Variants in MYT1L observed in about 807,000 individuals in gnomAD.
MYT1L encodes myelin transcription factor 1 like.
MYT1L carries 12 observed loss-of-function variants against 126.7 expected under a neutral mutation model. The observed-to-expected ratio is 0.09, with a 90% CI of 0.06 to 0.15. MYT1L has a LOEUF of 0.15. Ranked by LOEUF, MYT1L falls within the 10% of genes least tolerant of loss-of-function variation. The pLI is 1.00. For synonymous variants in MYT1L, 541 were observed against 604.2 expected (o/e 0.90, Z 1.53); for missense variants, 979 against 1,585.2 (o/e 0.62, Z 6.49).
chr2:2,217,706 C>CAA (rs35934436), intron 2 of MYT1L, among the ~76,000 whole-genome samples: 27 of 91,166 alleles, frequency 3.0e-4, no homozygotes, highest in South Asian at 2.0e-3. Context: ...ACAACAACAA[C>CAA]AAAAAAAAAA....
intron 1 of MYT1L, chr2:2,324,570 T>C (rs752692560): frequency 6.5e-6 from 1 of 152,768 alleles, no homozygotes; most frequent in East Asian, 1.9e-4. Flanking sequence ...AATTAATAAG[T>C]TGACACCACT....
At chr2:2,009,033 C>T (rs776150719) in intron 4 of MYT1L, among the ~76,000 whole-genome samples, 16 of 151,990 alleles carry the variant, frequency 1.1e-4, no homozygotes, top group South Asian at 2.1e-4. Flanking sequence ...TTCTGTTCCA[C>T]GGGTCTATGG....
At chr2:1,836,259 G>A (rs2040858194) in intron 21 of MYT1L, among the ~76,000 whole-genome samples, 1 of 151,628 alleles carries the variant, frequency 6.6e-6, no homozygotes, top group Non-Finnish European at 1.5e-5. Flanking sequence ...TCATCAGCCT[G>A]TACCCCAAGA....
chr2:1,851,211 A>C (rs753649434), intron 19 of MYT1L, among the ~76,000 whole-genome samples: 2 of 152,200 alleles, frequency 1.3e-5, no homozygotes, highest in Non-Finnish European at 2.9e-5. Context: ...TTAATGTTAC[A>C]TTCTGCTTAG....
chr2:1,946,989 G>T (rs376125766), intron 8 of MYT1L, among the ~76,000 whole-genome samples: 1 of 152,140 alleles, frequency 6.6e-6, no homozygotes, highest in African/African-American at 2.4e-5. Context: ...CCTTGGTGTC[G>T]CGGGTCATAA....
Position 1,801,970 on chromosome 2 carries a change from T to C in MYT1L, c.3173-171A>G. ...ACAATCTCTGTGTCTTTCTATTCCC[T>C]ACCACCGCCCCTTCCCCACCTAAGT... On this transcript the variant is annotated intron_variant, in intron 22 of 24. Coordinates refer to ENST00000647738, the MANE Select transcript of MYT1L (RefSeq NM_001303052.2). This position sits in a 1 kb window ranked among gnomAD's most constrained non-coding sequence, Gnocchi z 4.2. 1 of 557,382 alleles carries C rather than the reference T, an allele frequency of 1.8e-6. No homozygotes were observed. Among genetic ancestry groups the C allele is most frequent in the South Asian group, 2.3e-5 (1 of 43,420 alleles). 34.5% of individuals were successfully genotyped at this position (557,382 alleles called of 1,614,324 possible).
At chr2:2,159,061 C>G (rs1401089849) in intron 3 of MYT1L, among the ~76,000 whole-genome samples, 1 of 152,160 alleles carries the variant, frequency 6.6e-6, no homozygotes, top group Non-Finnish European at 1.5e-5. Context: ...AAGTTTCCAC[C>G]TGCCCACATC....
chr2:2,302,344 A>G (rs2095797921), intron 1 of MYT1L, among the ~76,000 whole-genome samples: 1 of 152,214 alleles, frequency 6.6e-6, no homozygotes, highest in African/African-American at 2.4e-5. Flanking sequence ...TTTTTGGACC[A>G]ATCGATTTAA....
intron 2 of MYT1L, among the ~76,000 whole-genome samples, chr2:2,280,531 G>A (rs10519519): frequency 0.13 from 19,262 of 152,126 alleles, 1,572 homozygotes; most frequent in Admixed American, 0.26. Context: ...TCTTCTATCC[G>A]CCCTTGTGCA....
At chr2:2,107,325 T>G (rs998410757) in intron 3 of MYT1L, among the ~76,000 whole-genome samples, 7 of 152,186 alleles carry the variant, frequency 4.6e-5, no homozygotes, top group African/African-American at 1.7e-4. Flanking sequence ...CAGCCGACCT[T>G]TGTGAATAAG....
intron 5 of MYT1L, among the ~76,000 whole-genome samples, chr2:1,994,111 TAAAC>T (rs2061644385): frequency 6.6e-6 from 1 of 152,200 alleles, no homozygotes; most frequent in Admixed American, 6.5e-5. Flanking sequence ...CATGTATACA[TAAAC>T]GTTTTCGGTC....
At chr2:1,840,453 C>G (rs1226085394) in intron 20 of MYT1L, among the ~76,000 whole-genome samples, 1 of 152,092 alleles carries the variant, frequency 6.6e-6, no homozygotes, top group Non-Finnish European at 1.5e-5. Flanking sequence ...CTGCCATTCC[C>G]AAGAATTCAG....
intron 19 of MYT1L, among the ~76,000 whole-genome samples, chr2:1,846,686 C>T (rs2042539882): frequency 6.6e-6 from 1 of 152,154 alleles, no homozygotes; most frequent in Non-Finnish European, 1.5e-5. Flanking sequence ...GGCCCGGAGC[C>T]CAGGGGCAGA....
chr2:2,087,371 T>C (rs2076464689), intron 3 of MYT1L, among the ~76,000 whole-genome samples: 1 of 152,194 alleles, frequency 6.6e-6, no homozygotes, highest in Admixed American at 6.5e-5. Context: ...GTTTGGGAAA[T>C]TTCTTATCAC....
chr2:2,123,476 G>A (rs1575331887), intron 3 of MYT1L, among the ~76,000 whole-genome samples: 1 of 152,256 alleles, frequency 6.6e-6, no homozygotes, highest in Middle Eastern at 3.4e-3. Context: ...GAGGCAATTG[G>A]ATCATGGGGC....
At chr2:2,316,453 A>C (rs1404500305) in intron 1 of MYT1L, among the ~76,000 whole-genome samples, 1 of 152,210 alleles carries the variant, frequency 6.6e-6, no homozygotes, top group African/African-American at 2.4e-5. Flanking sequence ...ACTGCCTTTA[A>C]AAAGAAAGGT....
intron 3 of MYT1L, among the ~76,000 whole-genome samples, chr2:2,143,753 T>G (rs940291325): frequency 2.0e-5 from 3 of 152,034 alleles, no homozygotes; most frequent in Admixed American, 1.3e-4. Context: ...TGATTTAAAA[T>G]GCATGTTGAC....
chr2:2,107,019 C>T (rs1298028305), intron 3 of MYT1L, among the ~76,000 whole-genome samples: 1 of 151,676 alleles, frequency 6.6e-6, no homozygotes, highest in African/African-American at 2.4e-5. Context: ...CTGGAAGTAC[C>T]TCATCTATAA....
At chr2:2,239,493 TA>T (rs1483135346) in intron 2 of MYT1L, among the ~76,000 whole-genome samples, 1 of 152,212 alleles carries the variant, frequency 6.6e-6, no homozygotes, top group Non-Finnish European at 1.5e-5. Flanking sequence ...TATAAGCAGT[TA>T]CTGGTTACTT....
Sources: allele counts gnomAD v4.1 joint callset (sites outside exome capture counted in the v4.1 genomes callset), GRCh38; gene constraint gnomAD v4.1.1; non-coding constraint Gnocchi (gnomAD v3.1); transcripts MANE v1.5; gene names NCBI Gene and HGNC (gene_info 2026-07-23, HGNC 2026-07-21).